Variants in TTPAL observed in about 807,000 individuals in gnomAD.
TTPAL encodes the protein alpha tocopherol transfer protein like.
TTPAL carries 21 observed loss-of-function variants against 28.7 expected under a neutral mutation model. The observed-to-expected ratio is 0.73, with a 90% confidence interval of 0.52 to 1.06. The LOEUF (loss-of-function observed/expected upper bound fraction) is 1.06. TTPAL is among the 50% of genes least tolerant of loss of function. TTPAL has a pLI of 0.00. For missense variants in TTPAL, 345 were observed against 425.5 expected, an observed-to-expected ratio of 0.81 and a Z score of 1.67; for synonymous variants, 169 against 171.9, an observed-to-expected ratio of 0.98 and a Z score of 0.13.
intron 4 of TTPAL, among the ~76,000 whole-genome samples, chr20:44,487,861 CG>C (rs368886454): frequency 4.1e-4 from 63 of 152,306 alleles, no homozygotes; most frequent in African/African-American, 1.4e-3. Context: ...CCCTACCTCC[CG>C]GGTTCAAGCA....
intron 3 of TTPAL, 99 bp downstream of exon 3, chr20:44,484,629 T>A: frequency 1.2e-6 from 1 of 834,412 alleles, no homozygotes; most frequent in South Asian, 2.5e-5. Context: ...AAACTGCACA[T>A]CCCACACCTG....
In TTPAL at chr20:44,494,125, C is replaced by T. The variant is rs754486150; in HGVS notation, c.*4584C>T. On this transcript the variant is annotated 3_prime_UTR_variant, in exon 5 of 5. Coordinates refer to ENST00000262605, the MANE Select transcript of TTPAL (RefSeq NM_001039199.3). Reference sequence around the variant, plus strand: ...TAACAAACATCACAGTCAACAGGAGCTTGCTTCATGCGAAGGATCAATGTG... The same window carrying T: ...TAACAAACATCACAGTCAACAGGAGTTTGCTTCATGCGAAGGATCAATGTG... 1 of 152,314 alleles carries T rather than the reference C, an allele frequency of 6.6e-6. No individual in the cohort carries two copies. Among genetic ancestry groups the T allele is most frequent in the African/African-American group, 2.4e-5 (1 of 41,436 alleles). The allele number at this position is 152,314 out of a possible 1,614,324, so 9.4% of individuals were successfully genotyped here.
chr20:44,493,466 G>A lies in TTPAL; in HGVS notation c.*3925G>A, dbSNP rs2064226353. 2 of 152,338 alleles carry A rather than the reference G, an allele frequency of 1.3e-5. No homozygotes were observed. Among genetic ancestry groups the A allele is most frequent in the Admixed American group, 6.5e-5 (1 of 15,294 alleles). The allele number at this position is 152,338 out of a possible 1,614,324, so 9.4% of individuals were successfully genotyped here. ...AATTTTTTTCATTTGGGTAGCAAAA[G>A]CTAGAGTATTGCTGTGGCGATTATA... On this transcript the variant is annotated 3_prime_UTR_variant, in exon 5 of 5. Transcript: ENST00000262605.
In TTPAL at chr20:44,480,915, A is replaced by T. The variant is rs148367573; in HGVS notation, c.445+471A>T. Among the ~76,000 whole-genome samples the T allele has an allele frequency of 6.6e-6, 1 of 152,084 alleles. No individual in the cohort carries two copies. Among genetic ancestry groups the T allele is most frequent in the Admixed American group, 6.6e-5 (1 of 15,264 alleles). ...TTAAGTTCCTCAATGCAGATTCCCA[A>T]TTTCTAGTGGGGAGCATCTGGTGGG... is the stretch of plus-strand genomic sequence containing the variant. On this transcript the variant is annotated intron_variant, in intron 2 of 4. Coordinates refer to ENST00000262605, the MANE Select transcript of TTPAL (RefSeq NM_001039199.3). This position sits in a 1 kb window ranked among gnomAD's most constrained non-coding sequence, Gnocchi z 4.1.
chr20:44,480,107 A>G lies in TTPAL; in HGVS notation c.108A>G (p.Thr36=). 6.2e-7 allele frequency: 1 copy of G among 1,614,186 alleles called. No homozygotes were observed. The highest frequency in any genetic ancestry group is 1.1e-5 in the South Asian group (1 of 91,086). Residue 36 remains threonine (T), a synonymous_variant, in exon 2 of 5, where the codon ACA becomes ACG. Transcript: ENST00000262605. The surrounding 1 kb of genome is among the most constrained non-coding windows in gnomAD (Gnocchi z 4.1). ...CTCCGGGCTATGTGTGCTCACTGAC[A>G]GAAGACCTGGTCACCAAAGCCCGGG... ...PEPPGYVCSL[T]EDLVTKAREE...
chr20:44,477,089 C>A (rs1483676263), intron 1 of TTPAL, among the ~76,000 whole-genome samples: 1 of 152,078 alleles, frequency 6.6e-6, no homozygotes. Context: ...CAGAAGTGCA[C>A]GAGTTATTCC....
At position 44,494,513 on chromosome 20, in the gene TTPAL, A is replaced by G. The variant is rs1279017783; in HGVS notation, c.*4972A>G. On this transcript the variant is annotated 3_prime_UTR_variant, in exon 5 of 5. Transcript: ENST00000262605. ...TGTTTTGACCAAAGTTTATTTTTCT[A>G]GTGCATTTTCTAAGTCAAAGTGGTG... The G allele has an allele frequency of 6.6e-6, 1 of 152,526 alleles. No homozygotes were observed. Among genetic ancestry groups the G allele is most frequent in the African/African-American group, 2.4e-5 (1 of 41,262 alleles). The allele number at this position is 152,526 out of a possible 1,614,324, so 9.4% of individuals were successfully genotyped here.
In TTPAL at chr20:44,490,191, T is replaced by C. The variant is rs2064191753; in HGVS notation, c.*650T>C. 6.6e-6 allele frequency: 1 copy of C among 152,448 alleles called. No homozygotes were observed. Among genetic ancestry groups the C allele is most frequent in the Non-Finnish European group, 1.5e-5 (1 of 68,122 alleles). 9.4% of individuals were successfully genotyped at this position (152,448 alleles called of 1,614,324 possible). On this transcript the variant is annotated 3_prime_UTR_variant, in exon 5 of 5. Coordinates refer to ENST00000262605, the MANE Select transcript of TTPAL (RefSeq NM_001039199.3). ...TCAAAGCACCTCTGGGACCCACTGG[T>C]TGAAGTTTGCAATAGAAACTTAAGT...
At chr20:44,489,240 GT>G in intron 4 of TTPAL, 22 bp from the exon 5 acceptor site, 3 of 1,604,086 alleles carry the variant, frequency 1.9e-6, no homozygotes, top group Non-Finnish European at 2.6e-6. Context: ...GGACATGTGT[GT>G]TTTCATTTCA....
intron 4 of TTPAL, among the ~76,000 whole-genome samples, chr20:44,487,133 T>C (rs1228724537): frequency 1.3e-5 from 2 of 152,040 alleles, no homozygotes; most frequent in African/African-American, 2.4e-5. Flanking sequence ...ATACAAAAAA[T>C]TAGCCAGGCA....
In TTPAL at chr20:44,480,824, TC is replaced by T. The variant is rs1362229234; in HGVS notation, c.445+383del. On this transcript the variant is annotated intron_variant, in intron 2 of 4. Coordinates refer to ENST00000262605, the MANE Select transcript of TTPAL (RefSeq NM_001039199.3). This position sits in a 1 kb window ranked among gnomAD's most constrained non-coding sequence, Gnocchi z 4.1. ...TTCACACTTTTTCTGTGTATGGCTG[TC>T]CCGCTCCTGTGCACGTAGTTAAATC... Among the ~76,000 whole-genome samples the T allele has an allele frequency of 1.3e-5, 2 of 152,224 alleles. No individual in the cohort carries two copies. The highest frequency in any genetic ancestry group is 4.8e-5 in the African/African-American group (2 of 41,460).
rs2064207772 is a variant in TTPAL at position 44,491,729 on chromosome 20, T to TGAAGGAGG, written c.*2198_*2205dup. 1.3e-5 allele frequency: 2 copies of TGAAGGAGG among 152,142 alleles called. No homozygotes were observed. The highest frequency in any genetic ancestry group is 4.8e-5 in the African/African-American group (2 of 41,320). The allele number at this position is 152,142 out of a possible 1,614,324, so 9.4% of individuals were successfully genotyped here. ...GCCCAAGCAGGGCAAGTGGGATGGC[T>TGAAGGAGG]GAAGGAGGGAAGGAGGGGGTTCAGA... On this transcript the variant is annotated 3_prime_UTR_variant, in exon 5 of 5. Coordinates refer to ENST00000262605, the MANE Select transcript of TTPAL (RefSeq NM_001039199.3).
At position 44,489,544 on chromosome 20, in the gene TTPAL, C is replaced by T. The variant is rs757586656; in HGVS notation, c.*3C>T. On this transcript the variant is annotated 3_prime_UTR_variant, in exon 5 of 5. Coordinates refer to ENST00000262605, the MANE Select transcript of TTPAL (RefSeq NM_001039199.3). ...CACAGCTGTACTCCTGCTACTAGCC[C>T]GTCCCCCAGGGTCACCATCTTTAAT... The T allele has an allele frequency of 2.3e-5, 37 of 1,610,780 alleles. No individual in the cohort carries two copies. Among genetic ancestry groups the T allele is most frequent in the Non-Finnish European group, 2.7e-5 (32 of 1,177,666 alleles).
chr20:44,480,466 G>T lies in TTPAL; in HGVS notation c.445+22G>T. On this transcript the variant is annotated intron_variant, in intron 2 of 4. Transcript: ENST00000262605. The surrounding 1 kb of genome is among the most constrained non-coding windows in gnomAD (Gnocchi z 4.1). ...CCAGGTATCTCCCTAGACTGTTGTG[G>T]GGTGTGTGTGTCCAGTCCTTCTGCA... 6.4e-7 allele frequency: 1 copy of T among 1,562,422 alleles called. No individual in the cohort carries two copies.
At chr20:44,483,171 T>C (rs1162227556) in intron 2 of TTPAL, among the ~76,000 whole-genome samples, 1 of 152,168 alleles carries the variant, frequency 6.6e-6, no homozygotes, top group Non-Finnish European at 1.5e-5. Context: ...ACTCAGTCTG[T>C]GTGGCAAGTG....
Position 44,491,917 on chromosome 20 carries a change from A to G in TTPAL, c.*2376A>G, listed in dbSNP as rs2122978558. On this transcript the variant is annotated 3_prime_UTR_variant, in exon 5 of 5. Transcript: ENST00000262605. ...CAGTCGCATTTGTTTTAATGCAGGCATGGCCACAGCTCTCCTAGAGAATTA... is the reference window on the plus strand; with the variant it reads ...CAGTCGCATTTGTTTTAATGCAGGCGTGGCCACAGCTCTCCTAGAGAATTA... 1 of 152,532 alleles carries G rather than the reference A, an allele frequency of 6.6e-6. No individual in the cohort carries two copies. Among genetic ancestry groups the G allele is most frequent in the African/African-American group, 2.4e-5 (1 of 41,580 alleles). The allele number at this position is 152,532 out of a possible 1,614,324, so 9.4% of individuals were successfully genotyped here. A position where few individuals can be genotyped will look rare whatever the true frequency, so the allele number is the denominator to read the frequency against.
In TTPAL at chr20:44,493,327, C is replaced by T. The variant is rs964400074; in HGVS notation, c.*3786C>T. On this transcript the variant is annotated 3_prime_UTR_variant, in exon 5 of 5. Coordinates refer to ENST00000262605, the MANE Select transcript of TTPAL (RefSeq NM_001039199.3). ...TCAGGTTACAAAACACCATTTTTCC[C>T]GAAATAAGACAATAAGAGGCTTTTC... 3 of 152,124 alleles carry T rather than the reference C, an allele frequency of 2.0e-5. No homozygotes were observed. Among genetic ancestry groups the T allele is most frequent in the Non-Finnish European group, 2.9e-5 (2 of 67,984 alleles). 9.4% of individuals were successfully genotyped at this position (152,124 alleles called of 1,614,324 possible).
chr20:44,487,613 G>A (rs1364663504), intron 4 of TTPAL, among the ~76,000 whole-genome samples: 2 of 152,180 alleles, frequency 1.3e-5, no homozygotes, highest in Non-Finnish European at 2.9e-5. Flanking sequence ...TCTTATTTAA[G>A]AAGGGATAAA....
At chr20:44,479,414 T>C (rs981237968) in intron 1 of TTPAL, among the ~76,000 whole-genome samples, 15 of 145,668 alleles carry the variant, frequency 1.0e-4, no homozygotes, top group Non-Finnish European at 1.8e-4. Flanking sequence ...TTTTTTTTTT[T>C]TTTTTTTTTT....
Sources: gnomAD v4.1 joint callset for allele counts (sites outside exome capture counted in the v4.1 genomes callset) on GRCh38, gnomAD v4.1.1 for gene constraint, Gnocchi (gnomAD v3.1) non-coding constraint, MANE v1.5 for transcripts, NCBI Gene and HGNC (gene_info 2026-07-23, HGNC 2026-07-21) for gene names.